ARFIP1: variants seen among roughly 807,000 people sequenced by gnomAD.
ARFIP1 encodes ARF interacting protein 1.
Under a neutral mutation model 42.5 loss-of-function variants are expected in ARFIP1, and 24 were observed. That is an observed-to-expected ratio of 0.57 (90% CI 0.41 to 0.80). The LOEUF (loss-of-function observed/expected upper bound fraction) is 0.80. Among genes scored for constraint, ARFIP1 ranks in the 30% least tolerant of loss-of-function variants. The pLI is 0.00. For missense variants in ARFIP1, 354 were observed against 434.0 expected, an observed-to-expected ratio of 0.82 and a Z score of 1.64; for synonymous variants, 141 against 153.7, an observed-to-expected ratio of 0.92 and a Z score of 0.61.
At chr4:152,812,180 G>A (rs888349964) in intron 1 of ARFIP1, among the ~76,000 whole-genome samples, 1 of 151,982 alleles carries the variant, frequency 6.6e-6, no homozygotes, top group African/African-American at 2.4e-5. Flanking sequence ...AATCTTTTTT[G>A]CAGTATCTTC....
Sources: allele counts gnomAD v4.1 joint callset (sites outside exome capture counted in the v4.1 genomes callset), GRCh38; gene constraint gnomAD v4.1.1; transcripts MANE v1.5; gene names NCBI Gene and HGNC (gene_info 2026-07-23, HGNC 2026-07-21).